TPTE2: variants seen among roughly 807,000 people sequenced by gnomAD.
The protein encoded by TPTE2 is transmembrane phosphoinositide 3-phosphatase and tensin homolog 2, also known as phosphatidylinositol 3,4,5-trisphosphate 3-phosphatase TPTE2.
Under a neutral mutation model 78.6 loss-of-function variants are expected in TPTE2, and 53 were observed. The ratio of observed to expected loss-of-function variants is 0.67; its 90% CI spans 0.54 to 0.85. The LOEUF (loss-of-function observed/expected upper bound fraction) is 0.85. Ranked by LOEUF, TPTE2 falls within the 40% of genes least tolerant of loss-of-function variation. The pLI is 0.00. For missense variants in TPTE2, 461 were observed against 623.0 expected (o/e 0.74, Z 2.77); for synonymous variants, 175 against 206.2 (o/e 0.85, Z 1.30).
intron 13 of TPTE2, among the ~76,000 whole-genome samples, chr13:19,442,295 T>C (rs1489613870): frequency 4.6e-5 from 7 of 151,656 alleles, no homozygotes; most frequent in Non-Finnish European, 1.0e-4. Flanking sequence ...AAAACTCTCA[T>C]ATGTTTGGAA....
intron 13 of TPTE2, among the ~76,000 whole-genome samples, chr13:19,438,871 A>G (rs1486626891): frequency 6.6e-6 from 1 of 152,192 alleles, no homozygotes; most frequent in Non-Finnish European, 1.5e-5. Context: ...GACTGATAAA[A>G]GTGAGTGAAG....
At chr13:19,485,959 C>T (rs1052549629) in intron 3 of TPTE2, among the ~76,000 whole-genome samples, 3 of 151,860 alleles carry the variant, frequency 2.0e-5, no homozygotes, top group African/African-American at 4.8e-5. Context: ...TCTGTATTAC[C>T]TTATATCTCA....
chr13:19,451,004 C>T (rs996738156), intron 11 of TPTE2, among the ~76,000 whole-genome samples, 161 bp downstream of exon 14: 7 of 152,184 alleles, frequency 4.6e-5, no homozygotes, highest in African/African-American at 1.7e-4. Context: ...GGCTAACTCC[C>T]TCTACTAAAT....
intron 1 of TPTE2, among the ~76,000 whole-genome samples, chr13:19,517,502 C>T (rs1312526544): frequency 6.6e-6 from 1 of 152,146 alleles, no homozygotes; most frequent in East Asian, 1.9e-4. Context: ...TATAAGCAAA[C>T]TTTCCTGTCT....
chr13:19,476,099 C>G (rs182873742), intron 4 of TPTE2, among the ~76,000 whole-genome samples: 166 of 152,188 alleles, frequency 1.1e-3, no homozygotes, highest in African/African-American at 3.7e-3. Context: ...AACTAGACAC[C>G]TAGTGAACAG....
At chr13:19,482,348 T>C (rs1758782540) in intron 4 of TPTE2, 140 bp downstream of exon 7, 1 of 832,732 alleles carries the variant, frequency 1.2e-6, no homozygotes, top group African/African-American at 1.8e-5. Context: ...CTGGAGTAAA[T>C]ACGGTGTACC....
intron 1 of TPTE2, among the ~76,000 whole-genome samples, chr13:19,515,800 T>A (rs1446841871): frequency 6.6e-6 from 1 of 152,172 alleles, no homozygotes; most frequent in Non-Finnish European, 1.5e-5. Context: ...ATTAAATGAT[T>A]ACTAGATTTT....
At chr13:19,498,792 A>G (rs1881563784) in intron 1 of TPTE2, among the ~76,000 whole-genome samples, 2 of 152,154 alleles carry the variant, frequency 1.3e-5, no homozygotes, top group South Asian at 4.2e-4. Flanking sequence ...AAATTCACAC[A>G]TAACAATATT....
rs1373591934 is a variant in TPTE2 at position 19,486,968 on chromosome 13, G to C, written c.120-4421C>G. Among the ~76,000 whole-genome samples, 1 of 152,160 alleles carries C rather than the reference G, an allele frequency of 6.6e-6. No individual in the cohort carries two copies. Among genetic ancestry groups the C allele is most frequent in the Non-Finnish European group, 1.5e-5 (1 of 68,012 alleles). On this transcript the variant is annotated intron_variant, in intron 3 of 19. Transcript: ENST00000400230. This position sits in a 1 kb window ranked among gnomAD's most constrained non-coding sequence, Gnocchi z 4.3. ...GGCTGGCCTAGGGGCATGTCTTCTGGAAGTAGCCCATGGAGCTCTTTCTTA... is the reference window on the plus strand; with the variant it reads ...GGCTGGCCTAGGGGCATGTCTTCTGCAAGTAGCCCATGGAGCTCTTTCTTA...
chr13:19,497,823 A>G (rs1881484729), intron 1 of TPTE2, among the ~76,000 whole-genome samples: 1 of 151,030 alleles, frequency 6.6e-6, no homozygotes, highest in Non-Finnish European at 1.5e-5. Flanking sequence ...AAGCTGAGAG[A>G]AGAAGGCTTC....
chr13:19,447,276 T>A (rs1951271910), intron 13 of TPTE2, among the ~76,000 whole-genome samples: 1 of 151,960 alleles, frequency 6.6e-6, no homozygotes, highest in African/African-American at 2.4e-5. Flanking sequence ...GTAAACCCCC[T>A]CTCAGCAAAA....
intron 1 of TPTE2, among the ~76,000 whole-genome samples, chr13:19,502,381 G>A (rs1342858299): frequency 6.6e-6 from 1 of 151,496 alleles, no homozygotes; most frequent in Non-Finnish European, 1.5e-5. Context: ...CACAATAGCA[G>A]AGACTTGGAA....
chr13:19,472,926 C>G (rs1879713571), intron 6 of TPTE2, among the ~76,000 whole-genome samples: 1 of 152,216 alleles, frequency 6.6e-6, no homozygotes, highest in African/African-American at 2.4e-5. Flanking sequence ...CACCCCAAGC[C>G]TCCTAAACTC....
chr13:19,455,122 G>A (rs1455233038), intron 10 of TPTE2, among the ~76,000 whole-genome samples: 2 of 152,198 alleles, frequency 1.3e-5, no homozygotes, highest in African/African-American at 4.8e-5. Flanking sequence ...GAGTGGTAGA[G>A]TCATGTCTTA....
chr13:19,496,405 G>A (rs916052856), intron 1 of TPTE2, among the ~76,000 whole-genome samples: 1 of 152,180 alleles, frequency 6.6e-6, no homozygotes, highest in African/African-American at 2.4e-5. Flanking sequence ...CAACTCTACT[G>A]TGTAGGCATT....
chr13:19,542,430 A>C, the TPTE2 span, among the ~76,000 whole-genome samples: 1 of 152,212 alleles, frequency 6.6e-6, no homozygotes, highest in Non-Finnish European at 1.5e-5. Flanking sequence ...GAAATTTATT[A>C]GTTTTTTTAA....
intron 10 of TPTE2, among the ~76,000 whole-genome samples, chr13:19,453,403 T>C (rs756342229): frequency 5.3e-5 from 8 of 152,022 alleles, no homozygotes; most frequent in Non-Finnish European, 8.8e-5. Flanking sequence ...TATACATATA[T>C]AGAAAAACAG....
intron 3 of TPTE2, among the ~76,000 whole-genome samples, chr13:19,492,110 T>C (rs1881025963): frequency 6.6e-6 from 1 of 152,174 alleles, no homozygotes; most frequent in Admixed American, 6.5e-5. Flanking sequence ...CCGTATTACT[T>C]ACACCTTTAT....
chr13:19,495,706 A>C (rs1430853345), intron 1 of TPTE2, among the ~76,000 whole-genome samples: 1 of 152,232 alleles, frequency 6.6e-6, no homozygotes, highest in Non-Finnish European at 1.5e-5. Flanking sequence ...CGCATGGTGC[A>C]TTGACCAGCC....
Sources: gnomAD v4.1 joint callset for allele counts (sites outside exome capture counted in the v4.1 genomes callset) on GRCh38, gnomAD v4.1.1 for gene constraint, Gnocchi (gnomAD v3.1) non-coding constraint, MANE v1.5 for transcripts, NCBI Gene and HGNC (gene_info 2026-07-23, HGNC 2026-07-21) for gene names.